UVRAG: variants seen among roughly 807,000 people sequenced by gnomAD.
UVRAG encodes UV radiation resistance associated.
A neutral mutation model predicts 78.0 loss-of-function variants in UVRAG; 19 were observed. That is an observed-to-expected ratio of 0.24 (90% CI 0.17 to 0.36). The LOEUF (loss-of-function observed/expected upper bound fraction) is 0.36. UVRAG is among the 10% of genes least tolerant of loss of function. The pLI, the probability that UVRAG is intolerant of heterozygous loss-of-function variation, is 1.00. For synonymous variants in UVRAG, 323 were observed against 324.6 expected (o/e 1.00, Z 0.05); for missense variants, 740 against 853.8 (o/e 0.87, Z 1.66).
intron 9 of UVRAG, 150 bp downstream of exon 9, chr11:76,004,239 T>C (rs1200508086): frequency 7.0e-6 from 5 of 711,280 alleles, no homozygotes; most frequent in Admixed American, 6.8e-5. Flanking sequence ...ATTCATTAAT[T>C]AAGCACCTAC....
chr11:75,836,671 G>GT (rs1565338205), intron 1 of UVRAG, among the ~76,000 whole-genome samples: 1 of 151,990 alleles, frequency 6.6e-6, no homozygotes, highest in African/African-American at 2.4e-5. Flanking sequence ...TCCTGTGCAT[G>GT]TATCAACTTC....
intron 12 of UVRAG, among the ~76,000 whole-genome samples, chr11:76,022,072 A>T (rs997371128): frequency 9.2e-5 from 14 of 152,064 alleles, no homozygotes; most frequent in African/African-American, 2.2e-4. Context: ...AAAGAGCATT[A>T]ATTTTCACAT....
At position 76,140,982 on chromosome 11, in the gene UVRAG, T is replaced by G; in HGVS notation, c.1669T>G (p.Phe557Val). ...CTCCTCCTTGGATACCTCCTTGGAC[T>G]TCTCCAAAGAAAACAAGAAAAAAGG... ...LSSSLDTSLD[F>V]SKENKKKGED... The change falls in exon 15 of 15, where the codon TTC (phenylalanine) becomes GTC (valine). Residue 557 changes from phenylalanine to valine, a missense_variant. Physicochemically the swap from Phe to Val is conservative, Grantham distance 50. Coordinates refer to ENST00000356136, the MANE Select transcript of UVRAG (RefSeq NM_003369.4). 2.5e-6 allele frequency: 4 copies of G among 1,614,066 alleles called. No individual in the cohort carries two copies. Among genetic ancestry groups the G allele is most frequent in the Non-Finnish European group, 3.4e-6 (4 of 1,180,020 alleles).
At chr11:75,916,022 G>A (rs890184122) in intron 6 of UVRAG, 2 of 151,986 alleles carry the variant, frequency 1.3e-5, no homozygotes, top group African/African-American at 4.8e-5. Flanking sequence ...TTTTTTGGTT[G>A]TTTTTTCTTT....
rs144428968 is a variant in UVRAG, at chr11:75,972,432, C to A, written c.699+10883C>A. On this transcript the variant is annotated intron_variant, in intron 7 of 14. Coordinates refer to ENST00000356136, the MANE Select transcript of UVRAG (RefSeq NM_003369.4). Reference sequence around the variant, plus strand: ...TGTATCTAGATTGATTAGTCCCTCTCGCACTCACTCTGTTTCTTCCTTCTT... The same window carrying A: ...TGTATCTAGATTGATTAGTCCCTCTAGCACTCACTCTGTTTCTTCCTTCTT... Among the ~76,000 whole-genome samples the A allele has an allele frequency of 7.0e-3, 1,068 of 152,286 alleles. 9 individuals carry two copies. The highest frequency in any genetic ancestry group is 0.014 in the Middle Eastern group (4 of 294).
At chr11:76,022,268 C>T (rs991676673) in intron 12 of UVRAG, among the ~76,000 whole-genome samples, 3 of 152,068 alleles carry the variant, frequency 2.0e-5, no homozygotes, top group Admixed American at 2.0e-4. Flanking sequence ...GTGTATTCTG[C>T]TGTCATTAGA....
intron 8 of UVRAG, among the ~76,000 whole-genome samples, chr11:75,992,990 T>C (rs1364593827): frequency 1.3e-5 from 2 of 152,214 alleles, no homozygotes; most frequent in Non-Finnish European, 2.9e-5. Context: ...CTTATCTAGG[T>C]ACTTGGTTCT....
chr11:75,932,803 A>G (rs1012577425), intron 6 of UVRAG, among the ~76,000 whole-genome samples: 1 of 152,220 alleles, frequency 6.6e-6, no homozygotes, highest in African/African-American at 2.4e-5. Context: ...AACTAAAGAC[A>G]TGAAAGCTCT....
intron 14 of UVRAG, among the ~76,000 whole-genome samples, chr11:76,138,972 A>G (rs1381099256): frequency 1.3e-5 from 2 of 152,232 alleles, no homozygotes; most frequent in South Asian, 2.1e-4. Flanking sequence ...CATATTAACT[A>G]TAAACCTAGA....
intron 9 of UVRAG, 86 bp from the exon 10 acceptor site, chr11:76,007,448 T>C: frequency 9.4e-7 from 1 of 1,062,528 alleles, no homozygotes. Flanking sequence ...GTATAATCTT[T>C]CTTTGGATTA....
chr11:76,055,077 T>C (rs1459304028), intron 12 of UVRAG, among the ~76,000 whole-genome samples: 1 of 152,238 alleles, frequency 6.6e-6, no homozygotes, highest in Non-Finnish European at 1.5e-5. Flanking sequence ...TGCCTACGAT[T>C]AATCCTGTCA....
At chr11:75,994,406 T>C (rs1221760977) in intron 8 of UVRAG, among the ~76,000 whole-genome samples, 1 of 152,136 alleles carries the variant, frequency 6.6e-6, no homozygotes, top group East Asian at 1.9e-4. Context: ...ACACAGACAA[T>C]TAGCAGCAAA....
At chr11:76,102,036 T>G (rs1951888377) in intron 13 of UVRAG, among the ~76,000 whole-genome samples, 1 of 152,238 alleles carries the variant, frequency 6.6e-6, no homozygotes, top group South Asian at 2.1e-4. Context: ...TTTGTTATTT[T>G]TGCTTAGGAT....
At chr11:76,000,327 G>A (rs529075445) in intron 8 of UVRAG, among the ~76,000 whole-genome samples, 1 of 152,294 alleles carries the variant, frequency 6.6e-6, no homozygotes, top group South Asian at 2.1e-4. Context: ...ATATTCCCAG[G>A]TGTGGTGGCT....
At chr11:76,093,170 G>C (rs543273488) in intron 13 of UVRAG, among the ~76,000 whole-genome samples, 3 of 152,102 alleles carry the variant, frequency 2.0e-5, no homozygotes, top group South Asian at 4.2e-4. Flanking sequence ...ATTTCTGAGG[G>C]CTCTGTTCTG....
intron 13 of UVRAG, among the ~76,000 whole-genome samples, chr11:76,077,816 TTTTTC>T (rs1951430696): frequency 6.6e-6 from 1 of 152,198 alleles, no homozygotes; most frequent in African/African-American, 2.4e-5. Flanking sequence ...GGCTTCCCTT[TTTTTC>T]TGTGGCTAAT....
Position 75,983,448 on chromosome 11 carries a change from A to G in UVRAG, c.761A>G (p.Gln254Arg), listed in dbSNP as rs1949433425. The change falls in exon 8 of 15, where the codon CAG (glutamine) becomes CGG (arginine). Residue 254 changes from glutamine to arginine, a missense_variant. Physicochemically the swap from Gln to Arg is conservative, Grantham distance 43. Transcript: ENST00000356136. ...ILVLQNELERQKKALGREVAL... is the reference protein window; with the variant it reads ...ILVLQNELERRKKALGREVAL... ...GTGCTTCAGAATGAACTGGAACGGC[A>G]GAAGAAAGCTTTGGGACGGGAGGTG... is the stretch of plus-strand genomic sequence containing the variant. The G allele has an allele frequency of 1.9e-6, 3 of 1,611,734 alleles. No individual in the cohort carries two copies. Among genetic ancestry groups the G allele is most frequent in the African/African-American group, 2.7e-5 (2 of 74,900 alleles).
intron 14 of UVRAG, among the ~76,000 whole-genome samples, chr11:76,138,147 T>G (rs1952632811): frequency 1.3e-5 from 2 of 152,194 alleles, no homozygotes; most frequent in Admixed American, 1.3e-4. Flanking sequence ...TGTGGGCAAA[T>G]GAGAAGGCAT....
At chr11:76,065,957 T>TAA (rs1239535754) in intron 13 of UVRAG, among the ~76,000 whole-genome samples, 169 bp downstream of exon 13, 1 of 152,350 alleles carries the variant, frequency 6.6e-6, no homozygotes, top group African/African-American at 2.4e-5. Flanking sequence ...TCCGTGCCCT[T>TAA]AAAATGACTA....
Sources: gnomAD v4.1 joint callset for allele counts (sites outside exome capture counted in the v4.1 genomes callset) on GRCh38, gnomAD v4.1.1 for gene constraint, MANE v1.5 for transcripts, NCBI Gene and HGNC (gene_info 2026-07-23, HGNC 2026-07-21) for gene names.